RADIL: variants seen among roughly 807,000 people sequenced by gnomAD.
The protein encoded by RADIL is ras-associating and dilute domain-containing protein.
A neutral mutation model predicts 97.6 loss-of-function variants in RADIL; 99 were observed. That is an observed-to-expected ratio of 1.01 (90% CI 0.86 to 1.20). The LOEUF (loss-of-function observed/expected upper bound fraction) is 1.20, where lower values mean the gene tolerates loss of function less well. Among genes scored for constraint, RADIL ranks in the 50% most tolerant of loss-of-function variants. The probability of loss-of-function intolerance (pLI) is 0.00; values close to 1 mark genes in which losing one functional copy is unlikely to be tolerated. For missense variants in RADIL, 1,765 were observed against 1,498.9 expected, an observed-to-expected ratio of 1.18 and a Z score of -2.93; for synonymous variants, 803 against 691.8, an observed-to-expected ratio of 1.16 and a Z score of -2.52.
intron 5 of RADIL, among the ~76,000 whole-genome samples, chr7:4,827,497 T>TAAAA (rs1267726497): frequency 6.7e-6 from 1 of 148,336 alleles, no homozygotes; most frequent in Non-Finnish European, 1.5e-5. Context: ...CCGTCTCTAC[T>TAAAA]AAAAATACAA....
chr7:4,863,380 T>C (rs1369461136), intron 2 of RADIL, among the ~76,000 whole-genome samples: 1 of 152,206 alleles, frequency 6.6e-6, no homozygotes, highest in Non-Finnish European at 1.5e-5. Flanking sequence ...ACTGTATAGT[T>C]TGTTGTTATC....
At chr7:4,860,025 G>A (rs544922141) in intron 2 of RADIL, 2 of 1,613,950 alleles carry the variant, frequency 1.2e-6, no homozygotes, top group Admixed American at 1.7e-5. Flanking sequence ...GAGACAGCGT[G>A]AGGAATACTT....
rs746996885 is a variant in RADIL, at chr7:4,800,135, A to G, written c.2982+36T>C. On this transcript the variant is annotated intron_variant, in intron 13 of 14. Coordinates refer to ENST00000399583, the MANE Select transcript of RADIL (RefSeq NM_018059.5). Reference sequence around the variant, plus strand: ...CATGAACAGGCGGGGCCAGGCAGCCAGTATGGGGGTGCGGCGAGGGTCCTG... The same window carrying G: ...CATGAACAGGCGGGGCCAGGCAGCCGGTATGGGGGTGCGGCGAGGGTCCTG... 1.1e-5 allele frequency: 18 copies of G among 1,582,750 alleles called. No homozygotes were observed. The East Asian group carries it at 3.8e-4, about 34-fold the overall frequency.
At chr7:4,881,498 G>A (rs367805547) in intron 1 of RADIL, among the ~76,000 whole-genome samples, 10 of 151,264 alleles carry the variant, frequency 6.6e-5, no homozygotes, top group African/African-American at 2.2e-4. Context: ...AGGCCGAGGC[G>A]GGCAGATCAC....
chr7:4,843,700 T>A (rs1583301107), intron 2 of RADIL, among the ~76,000 whole-genome samples: 1 of 151,780 alleles, frequency 6.6e-6, no homozygotes, highest in East Asian at 2.0e-4. Flanking sequence ...TCACCTGAGG[T>A]CAGGAGTTCA....
At chr7:4,861,833 G>T (rs1266180818) in intron 2 of RADIL, 1 of 1,246,608 alleles carries the variant, frequency 8.0e-7, no homozygotes, top group South Asian at 1.9e-5. Context: ...GCCCCGCCAG[G>T]GCACGTCCCC....
At position 4,820,138 on chromosome 7, in the gene RADIL, CCT is replaced by C. The variant is rs57013209; in HGVS notation, c.1615+2254_1615+2255del. Among the ~76,000 whole-genome samples the C allele has an allele frequency of 5.9e-5, 9 of 152,372 alleles. No homozygotes were observed. The East Asian group carries it at 1.7e-3, about 29-fold the overall frequency. On this transcript the variant is annotated intron_variant, in intron 6 of 14. Transcript: ENST00000399583. ...GGGGCTCCTAAGCTGGCCCCGTCCC[CCT>C]GTCACACGGAAGGACCAAGTGCACT... is the stretch of plus-strand genomic sequence containing the variant.
At chr7:4,816,529 G>T (rs965258915) in intron 7 of RADIL, 64 bp from the exon 8 acceptor site, 3 of 1,375,690 alleles carry the variant, frequency 2.2e-6, no homozygotes, top group East Asian at 2.3e-5. Context: ...CGAACGGGGG[G>T]CCTGACCCAG....
At chr7:4,812,479 T>C (rs946841656) in intron 9 of RADIL, among the ~76,000 whole-genome samples, 1 of 152,148 alleles carries the variant, frequency 6.6e-6, no homozygotes, top group African/African-American at 2.4e-5. Context: ...TGGAGTGCAA[T>C]GGCATGATCT....
At position 4,834,587 on chromosome 7, in the gene RADIL, G is replaced by A. The variant is rs765315700; in HGVS notation, c.1416+20C>T. The A allele has an allele frequency of 1.5e-6, 2 of 1,316,134 alleles. No homozygotes were observed. The highest frequency in any genetic ancestry group is 3.0e-5 in the South Asian group (1 of 33,116). The allele number at this position is 1,316,134 out of a possible 1,614,324, so 81.5% of individuals were successfully genotyped here. ...CCCAGACCGGCACAGGACCCAGACC[G>A]CCCACCCCAGCACACTGACCCAGAC... On this transcript the variant is annotated intron_variant, in intron 4 of 14. Transcript: ENST00000399583. This position sits in a 1 kb window ranked among gnomAD's most constrained non-coding sequence, Gnocchi z 6.0.
intron 2 of RADIL, chr7:4,861,017 A>C (rs1192723986): frequency 2.7e-5 from 44 of 1,614,094 alleles, no homozygotes; most frequent in Non-Finnish European, 3.6e-5. Context: ...AGTTGACGCT[A>C]CTGCATTTGG....
In RADIL at chr7:4,878,091, G is replaced by C; in HGVS notation, c.49C>G (p.Leu17Val). 1.3e-6 allele frequency: 2 copies of C among 1,591,728 alleles called. No homozygotes were observed. Among genetic ancestry groups the C allele is most frequent in the South Asian group, 2.3e-5 (2 of 87,872 alleles). ...GACAACAGCTGGCTCTGCCGCTTCA[G>C]TTTGCTCTTGGTGGGCGGGGACATG... ...FIMSPPTKSK[L>V]KRQSQLLSSM... is the part of the protein sequence containing the mutation. Residue 17 changes from leucine (L) to valine (V), a missense_variant, in exon 2 of 15, where the codon CTG becomes GTG. Coordinates refer to ENST00000399583, the MANE Select transcript of RADIL (RefSeq NM_018059.5). The surrounding 1 kb of genome is among the most constrained non-coding windows in gnomAD (Gnocchi z 4.1).
intron 2 of RADIL, chr7:4,838,162 G>T: frequency 3.1e-6 from 2 of 653,172 alleles, no homozygotes; most frequent in Non-Finnish European, 3.8e-6. Flanking sequence ...GCAGAACCCG[G>T]CCCAGCCTGG....
chr7:4,817,159 A>G lies in RADIL; in HGVS notation c.1728+80T>C. 7.8e-7 allele frequency: 1 copy of G among 1,279,090 alleles called. No individual in the cohort carries two copies. The highest frequency in any genetic ancestry group is 1.3e-5 in the South Asian group (1 of 74,718). The allele number at this position is 1,279,090 out of a possible 1,614,324, so 79.2% of individuals were successfully genotyped here. A position where few individuals can be genotyped will look rare whatever the true frequency, so the allele number is the denominator to read the frequency against. On this transcript the variant is annotated intron_variant, in intron 7 of 14. Coordinates refer to ENST00000399583, the MANE Select transcript of RADIL (RefSeq NM_018059.5). This position sits in a 1 kb window ranked among gnomAD's most constrained non-coding sequence, Gnocchi z 8.3. ...CCCTCAGCCCCCCAGAAGGCTCCTTAGGAGAGCCACAGGCACAAGCTTGAG... is the reference window on the plus strand; with the variant it reads ...CCCTCAGCCCCCCAGAAGGCTCCTTGGGAGAGCCACAGGCACAAGCTTGAG...
chr7:4,810,155 ATTTAT>A (rs1427264230), intron 9 of RADIL, among the ~76,000 whole-genome samples: 1 of 148,228 alleles, frequency 6.7e-6, no homozygotes, highest in African/African-American at 2.5e-5. Flanking sequence ...GCCCGGCCTT[ATTTAT>A]TTTCTTTTAT....
In RADIL at chr7:4,824,418, A is replaced by AGGCAGCCGGTTT. The variant is rs1782918818; in HGVS notation, c.1455-1876_1455-1865dup. ...CACAGGAAATGCCACCAGGACCTTA[A>AGGCAGCCGGTTT]GGCAGCCGGTTTGTGAGGGCATCTG... On this transcript the variant is annotated intron_variant, in intron 5 of 14. Coordinates refer to ENST00000399583, the MANE Select transcript of RADIL (RefSeq NM_018059.5). This position sits in a 1 kb window ranked among gnomAD's most constrained non-coding sequence, Gnocchi z 6.7. Among the ~76,000 whole-genome samples, 1 of 152,200 alleles carries AGGCAGCCGGTTT rather than the reference A, an allele frequency of 6.6e-6. No homozygotes were observed. The highest frequency in any genetic ancestry group is 6.5e-5 in the Admixed American group (1 of 15,290).
chr7:4,809,611 G>A, intron 9 of RADIL: 7 of 985,382 alleles, frequency 7.1e-6, no homozygotes, highest in Non-Finnish European at 8.4e-6. Context: ...CCTTGAACTC[G>A]ACTCCTTCAG....
At chr7:4,805,009 G>A (rs1051051713) in intron 10 of RADIL, among the ~76,000 whole-genome samples, 13 of 152,010 alleles carry the variant, frequency 8.6e-5, no homozygotes, top group Non-Finnish European at 1.3e-4. Flanking sequence ...TAGGAGAATC[G>A]CTTGAACCTG....
Position 4,819,928 on chromosome 7 carries a change from C to T in RADIL, c.1615+2466G>A, listed in dbSNP as rs529127707. Among the ~76,000 whole-genome samples, 5 of 152,360 alleles carry T rather than the reference C, an allele frequency of 3.3e-5. No homozygotes were observed. In the South Asian group the frequency reaches 1.0e-3, roughly 32 times the overall value. On this transcript the variant is annotated intron_variant, in intron 6 of 14. Transcript: ENST00000399583. This position sits in a 1 kb window ranked among gnomAD's most constrained non-coding sequence, Gnocchi z 5.8. ...AGACCAAAGGCAGCAGCTCCAACAGCCCAGAGCAATTTTTCCCATGAAGAG... is the reference window on the plus strand; with the variant it reads ...AGACCAAAGGCAGCAGCTCCAACAGTCCAGAGCAATTTTTCCCATGAAGAG...
Sources: gnomAD v4.1 joint callset for allele counts (sites outside exome capture counted in the v4.1 genomes callset) on GRCh38, gnomAD v4.1.1 for gene constraint, Gnocchi (gnomAD v3.1) non-coding constraint, MANE v1.5 for transcripts, NCBI Gene and HGNC (gene_info 2026-07-23, HGNC 2026-07-21) for gene names.